Variants in SMARCA4 observed in about 807,000 individuals in gnomAD.
The protein encoded by SMARCA4 is SWI/SNF related BAF chromatin remodeling complex subunit ATPase 4, also known as SWI/SNF-related matrix-associated actin-dependent regulator of chromatin subfamily A member 4.
In SMARCA4, 31 loss-of-function variants were observed where a neutral mutation model predicts 193.9. The ratio of observed to expected loss-of-function variants is 0.16; its 90% CI spans 0.12 to 0.22. The LOEUF (loss-of-function observed/expected upper bound fraction) is 0.22. Among genes scored for constraint, SMARCA4 ranks in the 10% least tolerant of loss-of-function variants. The pLI is 1.00. For missense variants in SMARCA4, 1,148 were observed against 2,296.0 expected, an observed-to-expected ratio of 0.50 and a Z score of 10.22; for synonymous variants, 942 against 933.1, an observed-to-expected ratio of 1.01 and a Z score of -0.17.
intron 19 of SMARCA4, 129 bp downstream of exon 19, chr19:11,022,096 A>G (rs1435649924): frequency 7.1e-7 from 1 of 1,415,514 alleles, no homozygotes; most frequent in Non-Finnish European, 9.8e-7. Context: ...CTGCATCTGC[A>G]TGGAGCAGGG....
chr19:11,028,023 A>G (rs2090385718), intron 24 of SMARCA4, 73 bp downstream of exon 24: 1 of 1,507,870 alleles, frequency 6.6e-7, no homozygotes, highest in African/African-American at 1.4e-5. Context: ...CCTCACTGGC[A>G]TTCCCTCCTG....
Position 10,985,471 on chromosome 19 carries a change from C to T in SMARCA4, c.355+66C>T, listed in dbSNP as rs138209034. ...TCCAGAGTCCTCAGATCATTTTCCTCCCCTGGGTTCCCACAGGATGGATTC... is the reference window on the plus strand; with the variant it reads ...TCCAGAGTCCTCAGATCATTTTCCTTCCCTGGGTTCCCACAGGATGGATTC... On this transcript the variant is annotated intron_variant, in intron 3 of 34. Transcript: ENST00000344626. This position sits in a 1 kb window ranked among gnomAD's most constrained non-coding sequence, Gnocchi z 4.5. 1.9e-6 allele frequency: 3 copies of T among 1,574,276 alleles called. No homozygotes were observed. Among genetic ancestry groups the T allele is most frequent in the Middle Eastern group, 3.3e-4 (2 of 6,008 alleles).
intron 8 of SMARCA4, among the ~76,000 whole-genome samples, chr19:10,993,639 C>T (rs766855131): frequency 3.0e-4 from 46 of 151,916 alleles, no homozygotes; most frequent in African/African-American, 7.5e-4. Flanking sequence ...CCACAGTTGC[C>T]GGTGCTTAGT....
chr19:10,985,241 C>G lies in SMARCA4; in HGVS notation c.223-32C>G, dbSNP rs1398996211. On this transcript the variant is annotated intron_variant, in intron 2 of 34. Transcript: ENST00000344626. The surrounding 1 kb of genome is among the most constrained non-coding windows in gnomAD (Gnocchi z 4.5). The stretch of plus-strand genomic sequence containing the variant: ...GCGCTGCCACCTCACGTTCCACATG[C>G]TGACCCTGCCTTGCCATGGTCCCTC... 15 of 1,613,360 alleles carry G rather than the reference C, an allele frequency of 9.3e-6. No homozygotes were observed. Among genetic ancestry groups the G allele is most frequent in the African/African-American group, 1.3e-5 (1 of 74,896 alleles).
intron 29 of SMARCA4, chr19:11,039,923 A>G (rs951335897): frequency 6.4e-6 from 1 of 155,220 alleles, no homozygotes; most frequent in Admixed American, 6.5e-5. Context: ...TCTACTAAAA[A>G]TACCAAAATT....
chr19:10,984,392 G>T lies in SMARCA4; in HGVS notation c.222+19G>T, dbSNP rs759047953. ...GCACAAGGTAGGGATCCCTGTGCCCGCCTCGCACCTGCGGCCTCTGCCCAC... is the reference window on the plus strand; with the variant it reads ...GCACAAGGTAGGGATCCCTGTGCCCTCCTCGCACCTGCGGCCTCTGCCCAC... On this transcript the variant is annotated intron_variant, in intron 2 of 34. Coordinates refer to ENST00000344626, the MANE Select transcript of SMARCA4 (RefSeq NM_003072.5). This position sits in a 1 kb window ranked among gnomAD's most constrained non-coding sequence, Gnocchi z 4.3. 3 of 1,562,614 alleles carry T rather than the reference G, an allele frequency of 1.9e-6. No homozygotes were observed. The highest frequency in any genetic ancestry group is 2.6e-6 in the Non-Finnish European group (3 of 1,153,536).
intron 1 of SMARCA4, among the ~76,000 whole-genome samples, chr19:10,963,822 A>G (rs2084003007): frequency 6.6e-6 from 1 of 151,002 alleles, no homozygotes; most frequent in Non-Finnish European, 1.5e-5. Context: ...CTGGAGTGCA[A>G]TGCCCCTGTA....
chr19:11,047,962 T>A (rs2076043349), intron 30 of SMARCA4, among the ~76,000 whole-genome samples: 1 of 151,574 alleles, frequency 6.6e-6, no homozygotes, highest in African/African-American at 2.4e-5. Flanking sequence ...TTCTTTTTTA[T>A]TATTATTATT....
At chr19:11,043,518 G>T (rs1397978170) in intron 30 of SMARCA4, among the ~76,000 whole-genome samples, 1 of 151,948 alleles carries the variant, frequency 6.6e-6, no homozygotes, top group Non-Finnish European at 1.5e-5. Context: ...GCTGCGGGCA[G>T]TAGCACATGC....
At chr19:10,974,990 GC>G (rs2085010510) in intron 1 of SMARCA4, among the ~76,000 whole-genome samples, 1 of 146,494 alleles carries the variant, frequency 6.8e-6, no homozygotes, top group Admixed American at 6.9e-5. Context: ...GAGACACCAT[GC>G]CCAGCCATAT....
At position 10,987,716 on chromosome 19, in the gene SMARCA4, C is replaced by A. The variant is rs745462998; in HGVS notation, c.910C>A (p.Pro304Thr). The change falls in exon 6 of 35, where the codon CCC becomes ACC. Residue 304 changes from proline (P) to threonine (T), a missense_variant. By Grantham distance (38) the Pro-to-Thr change is conservative (BLOSUM62 -1). Coordinates refer to ENST00000344626, the MANE Select transcript of SMARCA4 (RefSeq NM_003072.5). The surrounding 1 kb of genome is among the most constrained non-coding windows in gnomAD (Gnocchi z 5.3). The part of the protein sequence containing the change: ...APTSTPQKLI[P>T]PQPTGRPSPA... ...CACGAGCACCCCTCAGAAGCTGATTCCCCCGCAGCCAACGGGCCGCCCTTC... is the reference window on the plus strand; with the variant it reads ...CACGAGCACCCCTCAGAAGCTGATTACCCCGCAGCCAACGGGCCGCCCTTC... 4 of 1,610,804 alleles carry A rather than the reference C, an allele frequency of 2.5e-6. No homozygotes were observed. The highest frequency in any genetic ancestry group is 2.5e-6 in the Non-Finnish European group (3 of 1,178,250).
In SMARCA4 at chr19:10,986,683, C is replaced by T. The variant is rs939969076; in HGVS notation, c.760+90C>T. On this transcript the variant is annotated intron_variant, in intron 4 of 34. Transcript: ENST00000344626. The surrounding 1 kb of genome is among the most constrained non-coding windows in gnomAD (Gnocchi z 6.7). The stretch of plus-strand genomic sequence containing the variant: ...TGGACAGACCGTGCTCTGTTGCCGA[C>T]TGGGTTCCCCGGTTTGGGATTGCAC... 1.1e-5 allele frequency: 16 copies of T among 1,523,306 alleles called. No homozygotes were observed. Among genetic ancestry groups the T allele is most frequent in the Non-Finnish European group, 1.3e-5 (15 of 1,138,562 alleles). The allele number at this position is 1,523,306 out of a possible 1,614,324, so 94.4% of individuals were successfully genotyped here. A position where few individuals can be genotyped will look rare whatever the true frequency, so the allele number is the denominator to read the frequency against.
At chr19:10,967,214 T>C (rs2084289663) in intron 1 of SMARCA4, among the ~76,000 whole-genome samples, 1 of 152,220 alleles carries the variant, frequency 6.6e-6, no homozygotes, top group African/African-American at 2.4e-5. Flanking sequence ...CAGGTGTAGC[T>C]GGGTTTGTTG....
At chr19:11,007,508 G>T (rs960990229) in intron 13 of SMARCA4, among the ~76,000 whole-genome samples, 1 of 151,860 alleles carries the variant, frequency 6.6e-6, no homozygotes, top group African/African-American at 2.4e-5. Flanking sequence ...AGAGGCTGAG[G>T]CGAGAGGATT....
At position 10,973,203 on chromosome 19, in the gene SMARCA4, A is replaced by G. The variant is rs569733094; in HGVS notation, c.-31-10918A>G. On this transcript the variant is annotated intron_variant, in intron 1 of 34. Transcript: ENST00000344626. ...ACTTGATGCGGTTACTCTGCGTGTT[A>G]TGTTTCTGCTGGGTCACATTGTCAC... Among the ~76,000 whole-genome samples the G allele has an allele frequency of 1.8e-4, 27 of 152,174 alleles. No homozygotes were observed. The South Asian group carries it at 5.0e-3, about 28-fold the overall frequency.
intron 8 of SMARCA4, among the ~76,000 whole-genome samples, chr19:10,991,549 A>G (rs1347200377): frequency 6.6e-6 from 1 of 152,260 alleles, no homozygotes; most frequent in Admixed American, 6.5e-5. Context: ...GGAAGGTGAT[A>G]GGGCACAAAG....
chr19:11,019,740 A>T lies in SMARCA4; in HGVS notation c.2616+39A>T. 7.0e-7 allele frequency: 1 copy of T among 1,434,832 alleles called. No homozygotes were observed. 88.9% of individuals were successfully genotyped at this position (1,434,832 alleles called of 1,614,324 possible). ...GTGGGAAATGCCAGGCCATGGGCCGAGTGCTCACACGTGGGTCACGCTGCC... is the reference window on the plus strand; with the variant it reads ...GTGGGAAATGCCAGGCCATGGGCCGTGTGCTCACACGTGGGTCACGCTGCC... On this transcript the variant is annotated intron_variant, in intron 18 of 34. Coordinates refer to ENST00000344626, the MANE Select transcript of SMARCA4 (RefSeq NM_003072.5). This position sits in a 1 kb window ranked among gnomAD's most constrained non-coding sequence, Gnocchi z 6.1.
intron 1 of SMARCA4, among the ~76,000 whole-genome samples, chr19:10,970,707 A>G (rs1206887128): frequency 2.0e-5 from 3 of 152,224 alleles, no homozygotes; most frequent in East Asian, 1.9e-4. Flanking sequence ...TCTGGCCGAT[A>G]AAGTCCTTAA....
intron 16 of SMARCA4, among the ~76,000 whole-genome samples, chr19:11,014,922 C>T (rs896020918): frequency 6.6e-6 from 1 of 151,998 alleles, no homozygotes; most frequent in Admixed American, 6.6e-5. Flanking sequence ...AAGCGATTCT[C>T]CTGCCTCAGC....
Sources: gnomAD v4.1 joint callset for allele counts (sites outside exome capture counted in the v4.1 genomes callset) on GRCh38, gnomAD v4.1.1 for gene constraint, Gnocchi (gnomAD v3.1) non-coding constraint, MANE v1.5 for transcripts, NCBI Gene and HGNC (gene_info 2026-07-23, HGNC 2026-07-21) for gene names.